PCDHA9: variants seen among roughly 807,000 people sequenced by gnomAD.
PCDHA9 encodes protocadherin alpha-9.
Under a neutral mutation model 62.0 loss-of-function variants are expected in PCDHA9, and 62 were observed. The observed-to-expected ratio is 1.00, with a 90% confidence interval of 0.81 to 1.23. PCDHA9 has a LOEUF of 1.23. Among genes scored for constraint, PCDHA9 ranks in the 50% most tolerant of loss-of-function variants. The probability of loss-of-function intolerance (pLI) is 0.00; values close to 1 mark genes in which losing one functional copy is unlikely to be tolerated. For missense variants in PCDHA9, 1,205 were observed against 1,249.8 expected (o/e 0.96, Z 0.54); for synonymous variants, 557 against 567.6 (o/e 0.98, Z 0.27).
At chr5:140,968,992 T>C in intron 1 of PCDHA9, 1 of 1,614,220 alleles carries the variant, frequency 6.2e-7, no homozygotes, top group Non-Finnish European at 8.5e-7. Flanking sequence ...CTGCATGCTG[T>C]GGAGGCTTCT....
intron 3 of PCDHA9, among the ~76,000 whole-genome samples, chr5:141,003,237 T>G (rs1357530548): frequency 6.6e-6 from 1 of 152,228 alleles, no homozygotes; most frequent in Non-Finnish European, 1.5e-5. Flanking sequence ...CTGGAAATTT[T>G]GCCAAAAAGA....
At chr5:140,870,346 G>A in intron 1 of PCDHA9, 5 of 1,614,236 alleles carry the variant, frequency 3.1e-6, no homozygotes, top group Non-Finnish European at 4.2e-6. Context: ...CCTGGACCGC[G>A]AGAACGTGTG....
At chr5:140,884,941 C>T (rs1326188943) in intron 1 of PCDHA9, among the ~76,000 whole-genome samples, 1 of 152,116 alleles carries the variant, frequency 6.6e-6, no homozygotes, top group Admixed American at 6.5e-5. Context: ...TGCAATTGAG[C>T]ATTTACAAAA....
At chr5:140,883,920 T>C in intron 1 of PCDHA9, 1 of 1,613,492 alleles carries the variant, frequency 6.2e-7, no homozygotes, top group Non-Finnish European at 8.5e-7. Flanking sequence ...AACGTGACGC[T>C]GCAGGTGTTC....
chr5:140,965,527 A>G (rs2095909626), intron 1 of PCDHA9, among the ~76,000 whole-genome samples: 1 of 151,946 alleles, frequency 6.6e-6, no homozygotes, highest in Non-Finnish European at 1.5e-5. Flanking sequence ...CAAAGCATTA[A>G]TGGAATCCAA....
intron 1 of PCDHA9, among the ~76,000 whole-genome samples, chr5:140,903,617 G>T (rs1488747657): frequency 1.3e-5 from 2 of 152,140 alleles, no homozygotes; most frequent in Non-Finnish European, 2.9e-5. Context: ...ACATGAATGT[G>T]CATGCATATG....
In PCDHA9 at chr5:141,010,147, C is replaced by T. The variant is rs895381983; in HGVS notation, c.*210C>T. ...AAGTCTGGTGTTAACTCTTTCTCTC[C>T]ACTCTGGCTTGTTTTCAGAACCTAA... On this transcript the variant is annotated 3_prime_UTR_variant, in exon 4 of 4. Coordinates refer to ENST00000532602, the MANE Select transcript of PCDHA9 (RefSeq NM_031857.2). 3.2e-6 allele frequency: 5 copies of T among 1,583,190 alleles called. No homozygotes were observed. The highest frequency in any genetic ancestry group is 4.3e-6 in the Non-Finnish European group (5 of 1,163,606).
intron 1 of PCDHA9, chr5:140,967,407 G>A: frequency 6.2e-7 from 1 of 1,613,098 alleles, no homozygotes; most frequent in South Asian, 1.1e-5. Context: ...CTGCGTAAGG[G>A]CCTAGACCGG....
At chr5:140,869,940 C>T in intron 1 of PCDHA9, 1 of 1,612,138 alleles carries the variant, frequency 6.2e-7, no homozygotes, top group African/African-American at 1.3e-5. Flanking sequence ...AGGTAACATA[C>T]TCCTTAATGT....
At chr5:140,852,885 ATT>A (rs879977429) in intron 1 of PCDHA9, 59 of 776,660 alleles carry the variant, frequency 7.6e-5, no homozygotes, top group Non-Finnish European at 8.1e-5. Flanking sequence ...CATAAAACGT[ATT>A]TTTTTTTTTG....
chr5:140,937,527 G>A (rs1190290782), intron 1 of PCDHA9, among the ~76,000 whole-genome samples: 3 of 152,250 alleles, frequency 2.0e-5, no homozygotes, highest in Non-Finnish European at 4.4e-5. Flanking sequence ...TGAGGCAGGA[G>A]AATTGCTTGA....
chr5:140,890,737 T>C (rs926717911), intron 1 of PCDHA9, among the ~76,000 whole-genome samples: 1 of 152,240 alleles, frequency 6.6e-6, no homozygotes. Flanking sequence ...TTGACTTATA[T>C]ACTATTTCTG....
chr5:140,922,564 A>G (rs556829032), intron 1 of PCDHA9, among the ~76,000 whole-genome samples: 1 of 152,358 alleles, frequency 6.6e-6, no homozygotes, highest in South Asian at 2.1e-4. Context: ...AGTCAGGATG[A>G]CAAGTTGCCC....
rs782722148 is a variant in PCDHA9, at chr5:140,857,308, T to A, written c.2394+6419T>A. 2 of 1,597,818 alleles carry A rather than the reference T, an allele frequency of 1.3e-6. 1 individual carries two copies. Among genetic ancestry groups the A allele is most frequent in the African/African-American group, 2.7e-5 (2 of 74,344 alleles). Reference sequence around the variant, plus strand: ...TGGACCGCGAGAGGGTGTCGGCCTATGAGCTGGTGGTGACCGCGCGGGACG... The same window carrying A: ...TGGACCGCGAGAGGGTGTCGGCCTAAGAGCTGGTGGTGACCGCGCGGGACG... On this transcript the variant is annotated intron_variant, in intron 1 of 3. Coordinates refer to ENST00000532602, the MANE Select transcript of PCDHA9 (RefSeq NM_031857.2).
Position 140,883,115 on chromosome 5 carries a change from AGGCCTGTAT to A in PCDHA9, c.2394+32233_2394+32241del, listed in dbSNP as rs2059447979. The A allele has an allele frequency of 1.9e-6, 3 of 1,613,978 alleles. No homozygotes were observed. The South Asian group carries it at 3.3e-5, about 18-fold the overall frequency. ...TGGAGATATAGTTTACTCATTTAGA[AGGCCTGTAT>A]GGCCTGCAGTGGTATATGCATTTAC... On this transcript the variant is annotated intron_variant, in intron 1 of 3. Transcript: ENST00000532602.
At position 140,915,626 on chromosome 5, in the gene PCDHA9, G is replaced by GTCTCTCTCTCTC. The variant is rs57920489; in HGVS notation, c.2395-63304_2395-63293dup. 2.6e-4 allele frequency among the ~76,000 whole-genome samples: 38 copies of GTCTCTCTCTCTC among 146,532 alleles called. No individual in the cohort carries two copies. In the Middle Eastern group the frequency reaches 0.011, roughly 41 times the overall value. Reference sequence around the variant, plus strand: ...ACTTTCTGTCAAACAGTCTCTTTCTGTCTCTCTCTCTCTCTCTCTCTCTCT... The same window carrying GTCTCTCTCTCTC: ...ACTTTCTGTCAAACAGTCTCTTTCTGTCTCTCTCTCTCTCTCTCTCTCTCTCTCTCTCTCTCT... On this transcript the variant is annotated intron_variant, in intron 1 of 3. Coordinates refer to ENST00000532602, the MANE Select transcript of PCDHA9 (RefSeq NM_031857.2).
chr5:141,009,491 C>G, intron 3 of PCDHA9, 136 bp from the exon 4 acceptor site: 1 of 1,475,722 alleles, frequency 6.8e-7, no homozygotes, highest in Non-Finnish European at 9.0e-7. Flanking sequence ...GCCTTGCCCT[C>G]AGACTTGAAC....
At chr5:140,884,181 A>G in intron 1 of PCDHA9, 1 of 1,613,332 alleles carries the variant, frequency 6.2e-7, no homozygotes, top group Non-Finnish European at 8.5e-7. Context: ...CGCCCTCTGG[A>G]CGAGGTGGAC....
chr5:140,971,290 A>G (rs2096467357), intron 1 of PCDHA9, among the ~76,000 whole-genome samples: 1 of 152,204 alleles, frequency 6.6e-6, no homozygotes, highest in East Asian at 1.9e-4. Context: ...ATTAATATGT[A>G]CTTTGGTACA....
Sources: gnomAD v4.1 joint callset for allele counts (sites outside exome capture counted in the v4.1 genomes callset) on GRCh38, gnomAD v4.1.1 for gene constraint, MANE v1.5 for transcripts, NCBI Gene and HGNC (gene_info 2026-07-23, HGNC 2026-07-21) for gene names.